The following USP32 variants were observed in gnomAD, a reference collection of about 807,000 sequenced individuals.
USP32 encodes ubiquitin carboxyl-terminal hydrolase 32.
USP32 carries 59 observed loss-of-function variants against 204.8 expected under a neutral mutation model. The ratio of observed to expected loss-of-function variants is 0.29; its 90% CI spans 0.23 to 0.36. The LOEUF (loss-of-function observed/expected upper bound fraction) is 0.36, where lower values mean the gene tolerates loss of function less well. USP32 is among the 10% of genes least tolerant of loss of function. USP32 has a pLI of 1.00. For synonymous variants in USP32, 517 were observed against 678.4 expected, an observed-to-expected ratio of 0.76 and a Z score of 3.70; for missense variants, 1,160 against 1,946.4, an observed-to-expected ratio of 0.60 and a Z score of 7.60.
intron 4 of USP32, among the ~76,000 whole-genome samples, chr17:60,291,278 T>A (rs73318851): frequency 9.6e-4 from 146 of 152,334 alleles, no homozygotes; most frequent in African/African-American, 3.1e-3. Context: ...CAAATCTGAT[T>A]TTTTATGTTT....
chr17:60,349,578 GAAAA>G (rs757370384), intron 1 of USP32, among the ~76,000 whole-genome samples: 802 of 27,678 alleles, frequency 0.029, 10 homozygotes, highest in African/African-American at 0.059. Flanking sequence ...TGTCTCAAAA[GAAAA>G]AAAAAAAAAA....
Position 60,269,443 on chromosome 17 carries a change from C to G in USP32, c.811+7G>C. On this transcript the variant is annotated splice_region_variant and intron_variant, in intron 7 of 33. Transcript: ENST00000300896. ...TGCAATTTTTTGACAATGTTTAACA[C>G]ACTTACATTTTTGTCTTTCAGCCAG... 1 of 1,605,624 alleles carries G rather than the reference C, an allele frequency of 6.2e-7. No individual in the cohort carries two copies. The highest frequency in any genetic ancestry group is 8.5e-7 in the Non-Finnish European group (1 of 1,176,146).
At position 60,268,875 on chromosome 17, in the gene USP32, CCA is replaced by C. The variant is rs57806006; in HGVS notation, c.811+573_811+574del. 2.1e-3 allele frequency among the ~76,000 whole-genome samples: 325 copies of C among 152,094 alleles called. 1 individual carries two copies. The highest frequency in any genetic ancestry group is 7.5e-3 in the African/African-American group (311 of 41,486). ...TTAGAAAGACGTGGAGATAATGACCCCAGTAAATATATTTGAGTTAGGTTCCA... is the reference window on the plus strand; with the variant it reads ...TTAGAAAGACGTGGAGATAATGACCCGTAAATATATTTGAGTTAGGTTCCA... On this transcript the variant is annotated intron_variant, in intron 7 of 33. Coordinates refer to ENST00000300896, the MANE Select transcript of USP32 (RefSeq NM_032582.4).
At chr17:60,196,800 G>A (rs749658871) in intron 27 of USP32, among the ~76,000 whole-genome samples, 1 of 151,984 alleles carries the variant, frequency 6.6e-6, no homozygotes, top group Non-Finnish European at 1.5e-5. Context: ...ACTCCAGCCT[G>A]GGTGACAGAG....
intron 12 of USP32, among the ~76,000 whole-genome samples, chr17:60,227,723 T>C (rs2085433573): frequency 6.6e-6 from 1 of 152,100 alleles, no homozygotes; most frequent in Non-Finnish European, 1.5e-5. Context: ...GACATAAGTT[T>C]TCTACTTAAA....
rs565820633 is a variant in USP32, at chr17:60,367,645, C to G, written c.59-22037G>C. 8.1e-4 allele frequency among the ~76,000 whole-genome samples: 124 copies of G among 152,152 alleles called. 2 individuals carry two copies. The highest frequency in any genetic ancestry group is 2.8e-3 in the African/African-American group (117 of 41,536). ...CACCATGGCAAAACCCCATCTCTAC[C>G]AAAAATACAAAAATGAGCCAGGTGT... On this transcript the variant is annotated intron_variant, in intron 1 of 33. Coordinates refer to ENST00000300896, the MANE Select transcript of USP32 (RefSeq NM_032582.4).
At chr17:60,379,383 G>A (rs1274412657) in intron 1 of USP32, among the ~76,000 whole-genome samples, 1 of 152,088 alleles carries the variant, frequency 6.6e-6, no homozygotes, top group Non-Finnish European at 1.5e-5. Flanking sequence ...ATAGGGAAAT[G>A]CACAAACATC....
At chr17:60,334,779 C>T (rs946623717) in intron 2 of USP32, among the ~76,000 whole-genome samples, 3 of 143,166 alleles carry the variant, frequency 2.1e-5, no homozygotes, top group African/African-American at 6.0e-5. Context: ...AGTAGACCTG[C>T]GCTATTCAAA....
At chr17:60,349,356 GAT>G (rs1382117251) in intron 1 of USP32, among the ~76,000 whole-genome samples, 1 of 149,694 alleles carries the variant, frequency 6.7e-6, no homozygotes, top group African/African-American at 2.4e-5. Flanking sequence ...GAGGCAGGTG[GAT>G]CCCTTGAGGC....
rs1408616057 is a variant in USP32, at chr17:60,214,709, T to C, written c.1933A>G (p.Met645Val). The change falls in exon 17 of 34, where the codon ATG becomes GTG. Residue 645 changes from methionine (M) to valine (V), a missense_variant. By Grantham distance (21) the Met-to-Val change is conservative. Transcript: ENST00000300896. ...VLAYTGCFSR[M>V]QTIKEIHEYL... ...TCGTGAATTTCCTTGATGGTCTGCA[T>C]TCGACTAAAACAGCCTGTATAGGCT... 1 of 1,613,786 alleles carries C rather than the reference T, an allele frequency of 6.2e-7. No individual in the cohort carries two copies. Among genetic ancestry groups the C allele is most frequent in the African/African-American group, 1.3e-5 (1 of 74,920 alleles).
At position 60,232,476 on chromosome 17, in the gene USP32, A is replaced by ATT. The variant is rs764051983; in HGVS notation, c.1239+3660_1239+3661dup. 3.2e-3 allele frequency among the ~76,000 whole-genome samples: 389 copies of ATT among 120,366 alleles called. 3 individuals are homozygous for ATT. The highest frequency in any genetic ancestry group is 0.013 in the African/African-American group (336 of 26,880). 79.0% of individuals were successfully genotyped at this position (120,366 alleles called of 152,430 possible). The stretch of plus-strand genomic sequence containing the variant: ...GTGTGAGCCATTGCACCTGGCCCAA[A>ATT]TTTTTTTTTTTTTTTTTTTTAAACA... On this transcript the variant is annotated intron_variant, in intron 12 of 33. Coordinates refer to ENST00000300896, the MANE Select transcript of USP32 (RefSeq NM_032582.4).
chr17:60,231,460 A>G (rs939889883), intron 12 of USP32: 9 of 447,672 alleles, frequency 2.0e-5, no homozygotes, highest in Admixed American at 1.9e-4. Flanking sequence ...CAGAGGCTTC[A>G]TTTGTAAATT....
In USP32 at chr17:60,385,086, G is replaced by A. The variant is rs540132044; in HGVS notation, c.58+6796C>T. On this transcript the variant is annotated intron_variant, in intron 1 of 33. Coordinates refer to ENST00000300896, the MANE Select transcript of USP32 (RefSeq NM_032582.4). Reference sequence around the variant, plus strand: ...AAAGAAGTGAAAATGGCAGGTTCCTGCCTTAACCGATGACATTCCACCATT... The same window carrying A: ...AAAGAAGTGAAAATGGCAGGTTCCTACCTTAACCGATGACATTCCACCATT... 7.2e-5 allele frequency among the ~76,000 whole-genome samples: 11 copies of A among 152,306 alleles called. No homozygotes were observed. In the South Asian group the frequency reaches 2.3e-3, roughly 32 times the overall value.
At chr17:60,232,760 T>G (rs2085605783) in intron 12 of USP32, among the ~76,000 whole-genome samples, 1 of 151,998 alleles carries the variant, frequency 6.6e-6, no homozygotes, top group Admixed American at 6.6e-5. Flanking sequence ...TTGGGCAGGT[T>G]GGTGCTGAAC....
At chr17:60,393,945 G>A (rs1316822548), upstream of USP32, among the ~76,000 whole-genome samples, 1 of 152,220 alleles carries the variant, frequency 6.6e-6, no homozygotes, top group East Asian at 1.9e-4. Flanking sequence ...CAGCCTCCCA[G>A]AGTGCTGGGA....
chr17:60,421,677 G>C, intron 1 of USP32: 1 of 867,458 alleles, frequency 1.2e-6, no homozygotes. Flanking sequence ...CCAGGGGCGA[G>C]GGTCCCGGGG....
chr17:60,200,087 G>A (rs1218481425), intron 26 of USP32, among the ~76,000 whole-genome samples: 3 of 151,870 alleles, frequency 2.0e-5, no homozygotes, highest in Non-Finnish European at 4.4e-5. Flanking sequence ...CCAGCTACTC[G>A]GGAGGCTGAG....
At chr17:60,338,737 A>C (rs2145985358) in intron 2 of USP32, among the ~76,000 whole-genome samples, 1 of 152,306 alleles carries the variant, frequency 6.6e-6, no homozygotes, top group Non-Finnish European at 1.5e-5. Flanking sequence ...CTCAAAAAAA[A>C]CATAGTGGCC....
At chr17:60,215,155 G>A (rs1460711041) in intron 16 of USP32, among the ~76,000 whole-genome samples, 1 of 152,126 alleles carries the variant, frequency 6.6e-6, no homozygotes. Flanking sequence ...TTTTTGGGTA[G>A]AGACAGGGTC....
Sources: allele counts gnomAD v4.1 joint callset (sites outside exome capture counted in the v4.1 genomes callset), GRCh38; gene constraint gnomAD v4.1.1; transcripts MANE v1.5; gene names NCBI Gene and HGNC (gene_info 2026-07-23, HGNC 2026-07-21).